ERICH6B: variants seen among roughly 807,000 people sequenced by gnomAD.
ERICH6B encodes glutamate-rich protein 6B.
A neutral mutation model predicts 80.0 loss-of-function variants in ERICH6B; 69 were observed. The ratio of observed to expected loss-of-function variants is 0.86; its 90% CI spans 0.71 to 1.05. The LOEUF (loss-of-function observed/expected upper bound fraction) is 1.05, where lower values mean the gene tolerates loss of function less well. Ranked by LOEUF, ERICH6B falls within the 50% of genes least tolerant of loss-of-function variation. The pLI is 0.00. For missense variants in ERICH6B, 754 were observed against 796.1 expected, an observed-to-expected ratio of 0.95 and a Z score of 0.64; for synonymous variants, 283 against 291.9, an observed-to-expected ratio of 0.97 and a Z score of 0.31.
intron 7 of ERICH6B, 44 bp from the exon 8 acceptor site, chr13:45,574,974 A>G: frequency 7.7e-7 from 1 of 1,298,976 alleles, no homozygotes. Flanking sequence ...GCATGTGGAA[A>G]GAAAACCAAA....
intron 10 of ERICH6B, 40 bp from the exon 11 acceptor site, chr13:45,561,566 G>T (rs1295063568): frequency 6.5e-7 from 1 of 1,542,690 alleles, no homozygotes. Flanking sequence ...TAAGATTTTG[G>T]TGGGAAAGAG....
chr13:45,589,886 C>T, intron 4 of ERICH6B, among the ~76,000 whole-genome samples: 1 of 152,194 alleles, frequency 6.6e-6, no homozygotes, highest in East Asian at 1.9e-4. Context: ...AACAGAGCGG[C>T]CAGTGCAGGG....
chr13:45,602,391 C>T (rs1949832442), intron 2 of ERICH6B, among the ~76,000 whole-genome samples: 1 of 152,196 alleles, frequency 6.6e-6, no homozygotes, highest in Non-Finnish European at 1.5e-5. Context: ...GTAAGATAGC[C>T]TGTGCTTTAT....
At chr13:45,559,400 T>A (rs144385354) in intron 11 of ERICH6B, among the ~76,000 whole-genome samples, 156 of 152,220 alleles carry the variant, frequency 1.0e-3, no homozygotes, top group African/African-American at 3.7e-3. Context: ...TTCATTTAGT[T>A]CTGCTCTGAT....
chr13:45,592,666 G>A (rs142508354), intron 3 of ERICH6B, among the ~76,000 whole-genome samples: 575 of 152,240 alleles, frequency 3.8e-3, no homozygotes, highest in Middle Eastern at 6.8e-3. Context: ...TTGCCACAGG[G>A]CAGAATTTAT....
At chr13:45,549,632 T>C (rs1041271138) in intron 13 of ERICH6B, among the ~76,000 whole-genome samples, 2 of 152,182 alleles carry the variant, frequency 1.3e-5, no homozygotes, top group African/African-American at 4.8e-5. Flanking sequence ...AAGAAGTATT[T>C]AGGAGATGAA....
chr13:45,593,927 T>C (rs746732430), intron 3 of ERICH6B, among the ~76,000 whole-genome samples: 1 of 152,160 alleles, frequency 6.6e-6, no homozygotes, highest in Non-Finnish European at 1.5e-5. Flanking sequence ...TGCCAATTAA[T>C]GGATAAGGTT....
In ERICH6B at chr13:45,580,603, C is replaced by T. The variant is rs1477033761; in HGVS notation, c.919G>A (p.Glu307Lys). The part of the protein sequence containing the change: ...QETTTKLAPE[E>K]HVNTKVQQKK... ...CATTTAAAATCATCATAAACTTTAC[C>T]TTCCGGAGCCAGCTTCGTGGTGGTT... is the stretch of plus-strand genomic sequence containing the variant. Residue 307 changes from glutamate (E) to lysine (K), a missense_variant and splice_region_variant, in exon 6 of 15, where the codon GAG becomes AAG. Coordinates refer to ENST00000298738, the MANE Select transcript of ERICH6B (RefSeq NM_182542.3). 1.9e-6 allele frequency: 3 copies of T among 1,551,616 alleles called. No homozygotes were observed. The highest frequency in any genetic ancestry group is 2.4e-5 in the South Asian group (2 of 84,052).
intron 8 of ERICH6B, among the ~76,000 whole-genome samples, chr13:45,574,246 C>T (rs1369810392): frequency 6.6e-6 from 1 of 152,158 alleles, no homozygotes; most frequent in Admixed American, 6.5e-5. Flanking sequence ...TCAGAATCAG[C>T]ATGAAGTGTC....
At chr13:45,544,404 T>G (rs1873908424) in intron 14 of ERICH6B, among the ~76,000 whole-genome samples, 1 of 152,134 alleles carries the variant, frequency 6.6e-6, no homozygotes, top group Non-Finnish European at 1.5e-5. Context: ...ATTTTTTTTG[T>G]GGAGAAGGGG....
chr13:45,557,265 C>T (rs1441221447), intron 11 of ERICH6B, among the ~76,000 whole-genome samples: 1 of 151,870 alleles, frequency 6.6e-6, no homozygotes, highest in African/African-American at 2.4e-5. Flanking sequence ...GTCCTTGGCC[C>T]ATTTTTTGAT....
At chr13:45,559,194 A>C (rs1195957439) in intron 11 of ERICH6B, among the ~76,000 whole-genome samples, 1 of 152,134 alleles carries the variant, frequency 6.6e-6, no homozygotes, top group Non-Finnish European at 1.5e-5. Flanking sequence ...TGCATGTAAA[A>C]GTGTTCATAG....
intron 3 of ERICH6B, among the ~76,000 whole-genome samples, chr13:45,591,647 A>G (rs1268623722): frequency 6.6e-6 from 1 of 152,210 alleles, no homozygotes; most frequent in Non-Finnish European, 1.5e-5. Context: ...ATTAAGCAAC[A>G]TGGGCAAATG....
intron 2 of ERICH6B, among the ~76,000 whole-genome samples, chr13:45,603,188 G>C (rs148976379): frequency 5.3e-5 from 8 of 152,280 alleles, no homozygotes; most frequent in Admixed American, 3.9e-4. Flanking sequence ...TGTTTTTCTT[G>C]TAGCTGGGCC....
chr13:45,563,591 CCACAT>C, intron 10 of ERICH6B, 131 bp downstream of exon 10: 1 of 799,054 alleles, frequency 1.3e-6, no homozygotes, highest in South Asian at 1.5e-5. Flanking sequence ...GCAGCCAGGA[CCACAT>C]CAGCCCTGTA....
chr13:45,590,567 G>T, intron 4 of ERICH6B, 82 bp downstream of exon 4: 1 of 1,353,424 alleles, frequency 7.4e-7, no homozygotes, highest in Non-Finnish European at 1.0e-6. Context: ...GCCACTCCCT[G>T]TCCTGTGTTC....
chr13:45,566,486 G>A (rs371923727), intron 9 of ERICH6B, among the ~76,000 whole-genome samples: 9 of 152,336 alleles, frequency 5.9e-5, no homozygotes, highest in Admixed American at 2.0e-4. Context: ...TGTTGTGTGC[G>A]GCCTAGGGGA....
At chr13:45,605,712 A>C (rs896141118) in intron 2 of ERICH6B, among the ~76,000 whole-genome samples, 2 of 152,186 alleles carry the variant, frequency 1.3e-5, no homozygotes, top group African/African-American at 4.8e-5. Flanking sequence ...TAGCTCTCTC[A>C]CAGCCTCTTT....
At position 45,563,804 on chromosome 13, in the gene ERICH6B, A is replaced by G; in HGVS notation, c.1188-16T>C. ...TTTCTTCAGCCTAAAAGGAAAGTGG[A>G]TCATCTTTAGAAGCCAAGACTAAGT... On this transcript the variant is annotated splice_polypyrimidine_tract_variant and intron_variant, in intron 9 of 14. Transcript: ENST00000298738. 1 of 1,550,102 alleles carries G rather than the reference A, an allele frequency of 6.5e-7. No individual in the cohort carries two copies. Among genetic ancestry groups the G allele is most frequent in the Non-Finnish European group, 8.7e-7 (1 of 1,145,288 alleles).
Sources: gnomAD v4.1 joint callset for allele counts (sites outside exome capture counted in the v4.1 genomes callset) on GRCh38, gnomAD v4.1.1 for gene constraint, MANE v1.5 for transcripts, NCBI Gene and HGNC (gene_info 2026-07-23, HGNC 2026-07-21) for gene names.